The following IGF1R variants were observed in gnomAD, a reference collection of about 807,000 sequenced individuals.
The protein encoded by IGF1R is insulin-like growth factor 1 receptor.
A neutral mutation model predicts 144.6 loss-of-function variants in IGF1R; 44 were observed. The observed-to-expected ratio is 0.30, with a 90% confidence interval of 0.24 to 0.39. The LOEUF is 0.39. Among genes scored for constraint, IGF1R ranks in the 10% least tolerant of loss-of-function variants. The probability of loss-of-function intolerance (pLI) is 1.00; values close to 1 mark genes in which losing one functional copy is unlikely to be tolerated. For synonymous variants in IGF1R, 795 were observed against 722.8 expected (o/e 1.10, Z -1.60); for missense variants, 1,355 against 1,833.7 (o/e 0.74, Z 4.77).
chr15:98,810,650 G>C (rs150820877), intron 2 of IGF1R, among the ~76,000 whole-genome samples: 1 of 151,268 alleles, frequency 6.6e-6, no homozygotes, highest in Non-Finnish European at 1.5e-5. Context: ...CCGGCTTCAC[G>C]CCATTCTTCT....
intron 1 of IGF1R, among the ~76,000 whole-genome samples, chr15:98,680,839 A>G (rs1399648672): frequency 1.3e-5 from 2 of 148,892 alleles, no homozygotes; most frequent in Non-Finnish European, 3.0e-5. Flanking sequence ...TGCTGAGATT[A>G]TAGGTGTGAG....
chr15:98,724,849 G>T (rs1334936562), intron 2 of IGF1R, among the ~76,000 whole-genome samples: 1 of 152,162 alleles, frequency 6.6e-6, no homozygotes, highest in African/African-American at 2.4e-5. Flanking sequence ...AGTCGATGAT[G>T]CGCTGCCATT....
Position 98,891,024 on chromosome 15 carries a change from C to T in IGF1R, c.641-301C>T, listed in dbSNP as rs1213055263. On this transcript the variant is annotated intron_variant, in intron 2 of 20. Coordinates refer to ENST00000650285, the MANE Select transcript of IGF1R (RefSeq NM_000875.5). This position sits in a 1 kb window ranked among gnomAD's most constrained non-coding sequence, Gnocchi z 4.7. ...ACCCTCAAATGTGGGTATTATCCCC[C>T]TCATTTTACAGATGGGAAGAGAGAG... Among the ~76,000 whole-genome samples the T allele has an allele frequency of 6.6e-6, 1 of 152,172 alleles. No individual in the cohort carries two copies. Among genetic ancestry groups the T allele is most frequent in the African/African-American group, 2.4e-5 (1 of 41,430 alleles).
intron 2 of IGF1R, among the ~76,000 whole-genome samples, chr15:98,826,613 A>G (rs1416720690): frequency 6.6e-6 from 1 of 152,106 alleles, no homozygotes; most frequent in East Asian, 1.9e-4. Flanking sequence ...AGCCAGGTGT[A>G]TGAAGATTTT....
rs2151682767 is a variant in IGF1R at position 98,916,728 on chromosome 15, G to C, written c.2053G>C (p.Glu685Gln). 1 of 1,614,140 alleles carries C rather than the reference G, an allele frequency of 6.2e-7. No individual in the cohort carries two copies. Reference protein sequence around the residue: ...DGTIDIEEVTENPKTEVCGGE... With the variant: ...DGTIDIEEVTQNPKTEVCGGE... ...CACCATCGACATTGAGGAGGTCACA[G>C]AGAACCCCAAGACTGAGGTGTGTGG... Residue 685 changes from glutamate (E) to glutamine (Q), a missense_variant, in exon 10 of 21, where the codon GAG (glutamate) becomes CAG (glutamine). Glu to Gln is a conservative substitution (Grantham distance 29). Around this residue, in one of 7 missense-constraint regions of IGF1R, gnomAD observed 880 missense variants for 1,202.7 expected, o/e 0.73. Coordinates refer to ENST00000650285, the MANE Select transcript of IGF1R (RefSeq NM_000875.5).
chr15:98,910,682 T>C (rs1345558205), intron 6 of IGF1R, among the ~76,000 whole-genome samples: 4 of 152,232 alleles, frequency 2.6e-5, no homozygotes, highest in Non-Finnish European at 4.4e-5. Flanking sequence ...CTACTTCCCA[T>C]AGAGCACGTT....
At chr15:98,752,154 C>T (rs1237984802) in intron 2 of IGF1R, among the ~76,000 whole-genome samples, 3 of 152,176 alleles carry the variant, frequency 2.0e-5, no homozygotes, top group African/African-American at 4.8e-5. Context: ...TTTACCCTTC[C>T]AGACCTTCCT....
intron 1 of IGF1R, among the ~76,000 whole-genome samples, chr15:98,694,580 C>T (rs965754609): frequency 3.3e-5 from 5 of 152,104 alleles, no homozygotes; most frequent in African/African-American, 1.2e-4. Flanking sequence ...TGGCCCCTCA[C>T]ACTTCACTGC....
At chr15:98,747,575 C>T (rs193111320) in intron 2 of IGF1R, among the ~76,000 whole-genome samples, 77 of 152,164 alleles carry the variant, frequency 5.1e-4, no homozygotes, top group African/African-American at 1.7e-3. Context: ...TCTTAGATTC[C>T]CTCTGACGAC....
Position 98,929,593 on chromosome 15 carries a change from C to T in IGF1R, c.2818C>T (p.Leu940=), listed in dbSNP as rs768746949. The part of the protein sequence containing the change: ...YENFIHLIIA[L]PVAVLLIVGG... ...AAACTTCATCCATCTGATCATCGCT[C>T]TGCCCGTCGCTGTCCTGTTGATCGT... Residue 940 remains leucine, a synonymous_variant, in exon 14 of 21, where the codon CTG becomes TTG. Coordinates refer to ENST00000650285, the MANE Select transcript of IGF1R (RefSeq NM_000875.5). The T allele has an allele frequency of 6.2e-7, 1 of 1,614,054 alleles. No individual in the cohort carries two copies. The highest frequency in any genetic ancestry group is 8.5e-7 in the Non-Finnish European group (1 of 1,180,010).
At chr15:98,837,552 G>A (rs980336403) in intron 2 of IGF1R, among the ~76,000 whole-genome samples, 1 of 151,922 alleles carries the variant, frequency 6.6e-6, no homozygotes, top group Admixed American at 6.6e-5. Flanking sequence ...TAAATTTTTT[G>A]TAGAAACTCA....
rs1255193275 is a variant in IGF1R at position 98,707,159 on chromosome 15, C to T, written c.95-403C>T. Among the ~76,000 whole-genome samples, 3 of 152,202 alleles carry T rather than the reference C, an allele frequency of 2.0e-5. No homozygotes were observed. Among genetic ancestry groups the T allele is most frequent in the Non-Finnish European group, 4.4e-5 (3 of 68,040 alleles). ...AAGTTATTGATACTTGGCTGCTGAG[C>T]TGTCGTTCAGGCCTTGGCAACTGAC... On this transcript the variant is annotated intron_variant, in intron 1 of 20. Coordinates refer to ENST00000650285, the MANE Select transcript of IGF1R (RefSeq NM_000875.5). This position sits in a 1 kb window ranked among gnomAD's most constrained non-coding sequence, Gnocchi z 6.7.
intron 2 of IGF1R, among the ~76,000 whole-genome samples, chr15:98,709,935 A>G (rs917341262): frequency 5.3e-5 from 8 of 151,990 alleles, no homozygotes; most frequent in African/African-American, 1.7e-4. Flanking sequence ...CTGATTGAAG[A>G]CCCCTGGGGT....
At chr15:98,698,947 G>A (rs45625241) in intron 1 of IGF1R, among the ~76,000 whole-genome samples, 16,533 of 152,276 alleles carry the variant, frequency 0.11, 1,604 homozygotes, top group African/African-American at 0.26. Context: ...GCAAGGTAAA[G>A]TGCTTTTGAA....
chr15:98,794,791 A>T (rs2056201155), intron 2 of IGF1R, among the ~76,000 whole-genome samples: 1 of 152,230 alleles, frequency 6.6e-6, no homozygotes, highest in Admixed American at 6.5e-5. Context: ...AAGTGATCTG[A>T]ATTCACTACA....
At chr15:98,924,748 C>G in intron 13 of IGF1R, 64 bp downstream of exon 13, 9 of 1,416,148 alleles carry the variant, frequency 6.4e-6, no homozygotes, top group Non-Finnish European at 9.0e-6. Context: ...AGGATCAGGA[C>G]AGCCCGAGTG....
At position 98,886,846 on chromosome 15, in the gene IGF1R, C is replaced by T. The variant is rs564505207; in HGVS notation, c.641-4479C>T. Among the ~76,000 whole-genome samples the T allele has an allele frequency of 3.4e-3, 522 of 152,286 alleles. 3 individuals are homozygous for T. The highest frequency in any genetic ancestry group is 4.1e-3 in the Non-Finnish European group (280 of 68,022). The stretch of plus-strand genomic sequence containing the variant: ...AGGACTCTCTAATCCCACACTTGCT[C>T]ACGTTCTCTTGCTTGCCTCCTAGAA... On this transcript the variant is annotated intron_variant, in intron 2 of 20. Transcript: ENST00000650285.
At chr15:98,878,292 A>G (rs571856920) in intron 2 of IGF1R, among the ~76,000 whole-genome samples, 2 of 152,260 alleles carry the variant, frequency 1.3e-5, no homozygotes, top group Non-Finnish European at 1.5e-5. Context: ...TTAGGAGCCC[A>G]CAATACCTCA....
intron 2 of IGF1R, among the ~76,000 whole-genome samples, chr15:98,754,835 AG>A (rs2055108747): frequency 6.6e-6 from 1 of 152,208 alleles, no homozygotes; most frequent in Admixed American, 6.5e-5. Flanking sequence ...TAGAGACTAA[AG>A]AACTTGCTAC....
Sources: allele counts gnomAD v4.1 joint callset (sites outside exome capture counted in the v4.1 genomes callset), GRCh38; gene constraint gnomAD v4.1.1; regional missense constraint gnomAD v4.1.1; non-coding constraint Gnocchi (gnomAD v3.1); transcripts MANE v1.5; gene names NCBI Gene and HGNC (gene_info 2026-07-23, HGNC 2026-07-21).